Variants in PLCL1 observed in about 807,000 individuals in gnomAD.
The protein encoded by PLCL1 is phospholipase C like 1 (inactive), also known as inactive phospholipase C-like protein 1.
PLCL1 carries 41 observed loss-of-function variants against 84.4 expected under a neutral mutation model. That is an observed-to-expected ratio of 0.49 (90% CI 0.38 to 0.63). The LOEUF is 0.63. PLCL1 is among the 30% of genes least tolerant of loss of function. The pLI is 0.00. For missense variants in PLCL1, 1,206 were observed against 1,367.8 expected, an observed-to-expected ratio of 0.88 and a Z score of 1.87; for synonymous variants, 490 against 488.3, an observed-to-expected ratio of 1.00 and a Z score of -0.05.
At chr2:198,095,628 C>A (rs1303173998) in intron 3 of PLCL1, among the ~76,000 whole-genome samples, 1 of 152,116 alleles carries the variant, frequency 6.6e-6, no homozygotes, top group Non-Finnish European at 1.5e-5. Flanking sequence ...TACTACCCAG[C>A]CCTAGGAGTC....
rs150847242 is a variant in PLCL1 at position 197,847,946 on chromosome 2, A to C, written c.240+42607A>C. Among the ~76,000 whole-genome samples the C allele has an allele frequency of 2.6e-5, 4 of 152,336 alleles. No individual in the cohort carries two copies. In the East Asian group the frequency reaches 7.7e-4, roughly 29 times the overall value. On this transcript the variant is annotated intron_variant, in intron 1 of 5. Transcript: ENST00000428675. ...CTAGGTAGCTTGAGTCAGAGAGTGC[A>C]GCTGTGCAATTTAAGATGTGTTTTC...
At chr2:198,058,574 A>T (rs1296309869) in intron 1 of PLCL1, among the ~76,000 whole-genome samples, 1 of 151,578 alleles carries the variant, frequency 6.6e-6, no homozygotes, top group Non-Finnish European at 1.5e-5. Flanking sequence ...TTATAAAAGT[A>T]ACAATTATAA....
chr2:197,874,767 G>A (rs1390302277), intron 1 of PLCL1, among the ~76,000 whole-genome samples: 1 of 152,134 alleles, frequency 6.6e-6, no homozygotes, highest in Non-Finnish European at 1.5e-5. Context: ...ATAGCATATA[G>A]TATATTTTAT....
At chr2:198,006,067 A>C (rs938233090) in intron 1 of PLCL1, among the ~76,000 whole-genome samples, 4 of 152,222 alleles carry the variant, frequency 2.6e-5, no homozygotes, top group African/African-American at 9.6e-5. Context: ...AGAAAAGGAT[A>C]TTTTAAGCTA....
intron 1 of PLCL1, among the ~76,000 whole-genome samples, chr2:198,003,417 A>G (rs1026796724): frequency 6.6e-6 from 1 of 152,170 alleles, no homozygotes; most frequent in African/African-American, 2.4e-5. Context: ...TCCTTATGGA[A>G]CCCAGGCATG....
At position 198,077,656 on chromosome 2, in the gene PLCL1, C is replaced by T. The variant is rs143783772; in HGVS notation, c.241-6102C>T. 5.9e-5 allele frequency among the ~76,000 whole-genome samples: 9 copies of T among 152,246 alleles called. No individual in the cohort carries two copies. In the East Asian group the frequency reaches 1.4e-3, roughly 23 times the overall value. On this transcript the variant is annotated intron_variant, in intron 1 of 5. Transcript: ENST00000428675. Reference sequence around the variant, plus strand: ...TCTATTTATCCCTTTACGGGTATAACTTCCAACACTGAAACTGCAGCCCAG... The same window carrying T: ...TCTATTTATCCCTTTACGGGTATAATTTCCAACACTGAAACTGCAGCCCAG...
chr2:197,942,582 A>C (rs537539101), intron 1 of PLCL1, among the ~76,000 whole-genome samples: 1 of 152,338 alleles, frequency 6.6e-6, no homozygotes, highest in South Asian at 2.1e-4. Flanking sequence ...AGAACTATGA[A>C]AGGAAAAGGT....
At chr2:197,829,621 T>A (rs945314649) in intron 1 of PLCL1, among the ~76,000 whole-genome samples, 1 of 152,246 alleles carries the variant, frequency 6.6e-6, no homozygotes, top group African/African-American at 2.4e-5. Flanking sequence ...TTCATTAGTT[T>A]CACCAAATGT....
intron 5 of PLCL1, among the ~76,000 whole-genome samples, chr2:198,142,508 A>G (rs1694412893): frequency 6.6e-6 from 1 of 152,160 alleles, no homozygotes; most frequent in African/African-American, 2.4e-5. Flanking sequence ...AGTTGGAAAG[A>G]TTTAATAAGG....
intron 4 of PLCL1, among the ~76,000 whole-genome samples, chr2:198,102,307 A>T (rs1693366792): frequency 6.6e-6 from 1 of 152,008 alleles, no homozygotes; most frequent in South Asian, 2.1e-4. Flanking sequence ...AGGTAAACCC[A>T]CTTGTTAACC....
At chr2:198,143,657 A>G (rs904170085) in intron 5 of PLCL1, among the ~76,000 whole-genome samples, 68 of 152,156 alleles carry the variant, frequency 4.5e-4, no homozygotes, top group African/African-American at 1.6e-3. Context: ...GTTGTTAACA[A>G]TCAAATTCAC....
chr2:198,008,537 C>CTT (rs199948196), intron 1 of PLCL1, among the ~76,000 whole-genome samples: 2 of 144,726 alleles, frequency 1.4e-5, no homozygotes. Context: ...ACAAGATTTT[C>CTT]TTTTTTTTTT....
At chr2:198,140,145 G>A (rs906703699) in intron 5 of PLCL1, among the ~76,000 whole-genome samples, 4 of 152,024 alleles carry the variant, frequency 2.6e-5, no homozygotes, top group African/African-American at 7.2e-5. Flanking sequence ...TGTTGGCCGC[G>A]CCTGGCCCAT....
chr2:197,858,423 T>G (rs1687368553), intron 1 of PLCL1, among the ~76,000 whole-genome samples: 1 of 152,206 alleles, frequency 6.6e-6, no homozygotes. Flanking sequence ...GCCTGTGGTC[T>G]CCATTCTGAT....
At chr2:197,845,829 C>T (rs1028866173) in intron 1 of PLCL1, among the ~76,000 whole-genome samples, 33 of 152,112 alleles carry the variant, frequency 2.2e-4, no homozygotes, top group African/African-American at 7.7e-4. Context: ...TAACTACATA[C>T]ATCCTGGGGA....
At chr2:197,886,296 C>T (rs1477470730) in intron 1 of PLCL1, among the ~76,000 whole-genome samples, 1 of 151,372 alleles carries the variant, frequency 6.6e-6, no homozygotes, top group Non-Finnish European at 1.5e-5. Context: ...CCTGTAGTCC[C>T]AGTTACTCAG....
rs147196986 is a variant in PLCL1, at chr2:197,903,432, CA to C, written c.240+98098del. ...AGGTTACACAGTTTCAGGCTTGGGA[CA>C]AAAATCTATGTATCTTCCTTTTTAC... On this transcript the variant is annotated intron_variant, in intron 1 of 5. Coordinates refer to ENST00000428675, the MANE Select transcript of PLCL1 (RefSeq NM_006226.4). 2.9e-3 allele frequency among the ~76,000 whole-genome samples: 360 copies of C among 123,590 alleles called. 1 individual carries two copies. The highest frequency in any genetic ancestry group is 0.01 in the African/African-American group (340 of 32,598). The allele number at this position is 123,590 out of a possible 152,430, so 81.1% of individuals were successfully genotyped here. A position where few individuals can be genotyped will look rare whatever the true frequency, so the allele number is the denominator to read the frequency against.
intron 1 of PLCL1, among the ~76,000 whole-genome samples, chr2:197,979,375 C>CAGTT (rs1267674123): frequency 6.6e-6 from 1 of 152,134 alleles, no homozygotes; most frequent in East Asian, 1.9e-4. Context: ...TTGAGGTACC[C>CAGTT]AGTTGTTGCT....
At chr2:197,975,057 C>T (rs1408428094) in intron 1 of PLCL1, among the ~76,000 whole-genome samples, 5 of 144,070 alleles carry the variant, frequency 3.5e-5, no homozygotes, top group South Asian at 2.2e-4. Flanking sequence ...AGGAGAATGG[C>T]GTGAACCCGG....
Sources: gnomAD v4.1 joint callset for allele counts (sites outside exome capture counted in the v4.1 genomes callset) on GRCh38, gnomAD v4.1.1 for gene constraint, MANE v1.5 for transcripts, NCBI Gene and HGNC (gene_info 2026-07-23, HGNC 2026-07-21) for gene names.